CES5A: variants seen among roughly 807,000 people sequenced by gnomAD.
The protein encoded by CES5A is carboxylesterase 5.
A neutral mutation model predicts 62.9 loss-of-function variants in CES5A; 67 were observed. That is an observed-to-expected ratio of 1.07 (90% confidence interval 0.88 to 1.31). CES5A has a LOEUF of 1.31. CES5A is among the 50% of genes most tolerant of loss of function. The pLI, the probability that CES5A is intolerant of heterozygous loss-of-function variation, is 0.00. For synonymous variants in CES5A, 296 were observed against 280.8 expected, an observed-to-expected ratio of 1.05 and a Z score of -0.54; for missense variants, 748 against 708.5, an observed-to-expected ratio of 1.06 and a Z score of -0.63.
chr16:55,910,814 C>G (rs1208701298), intron 1 of CES5A, among the ~76,000 whole-genome samples: 2 of 148,714 alleles, frequency 1.3e-5, no homozygotes, highest in African/African-American at 4.8e-5. Flanking sequence ...TCTGGCCCAG[C>G]TGCCCATGGC....
chr16:55,857,393 T>G (rs1429745038), intron 8 of CES5A, among the ~76,000 whole-genome samples: 2 of 152,194 alleles, frequency 1.3e-5, no homozygotes, highest in African/African-American at 4.8e-5. Flanking sequence ...CTTTAAAATG[T>G]GAGGCAGCAG....
rs2033457574 is a variant in CES5A at position 55,866,205 on chromosome 16, G to T, written c.552-89C>A. 4 of 1,319,824 alleles carry T rather than the reference G, an allele frequency of 3.0e-6. No homozygotes were observed. The East Asian group carries it at 7.3e-5, about 24-fold the overall frequency. The allele number at this position is 1,319,824 out of a possible 1,614,324, so 81.8% of individuals were successfully genotyped here. ...AGTTCTCAGCAGAGGCTGTGGGCAG[G>T]GGTCAGTGGGGAGGGGGCGGAGAGT... is the stretch of plus-strand genomic sequence containing the variant. On this transcript the variant is annotated intron_variant, in intron 4 of 12. Coordinates refer to ENST00000290567, the MANE Select transcript of CES5A (RefSeq NM_001143685.2).
chr16:55,880,541 A>G (rs983974464), intron 1 of CES5A, among the ~76,000 whole-genome samples: 1 of 152,120 alleles, frequency 6.6e-6, no homozygotes, highest in Non-Finnish European at 1.5e-5. Context: ...TTTCAGGCAC[A>G]CAAACCAAGT....
At chr16:55,887,409 A>T (rs754187111) in intron 1 of CES5A, among the ~76,000 whole-genome samples, 1 of 151,518 alleles carries the variant, frequency 6.6e-6, no homozygotes, top group Non-Finnish European at 1.5e-5. Flanking sequence ...AAGTTACTAC[A>T]CTGATTATCA....
chr16:55,936,875 C>G (rs1217625089), intron 2 of CES5A, among the ~76,000 whole-genome samples: 2 of 152,056 alleles, frequency 1.3e-5, no homozygotes, highest in African/African-American at 2.4e-5. Flanking sequence ...ATCTCATATG[C>G]TTCATATATA....
intron 2 of CES5A, among the ~76,000 whole-genome samples, chr16:55,943,772 G>C (rs2034467468): frequency 1.3e-5 from 2 of 152,168 alleles, no homozygotes; most frequent in South Asian, 2.1e-4. Flanking sequence ...AGAGTACACA[G>C]AACAGAAAGA....
Position 55,846,484 on chromosome 16 carries a change from G to A in CES5A, c.1695C>T (p.Leu565=), listed in dbSNP as rs2033010820. The A allele has an allele frequency of 6.2e-7, 1 of 1,613,910 alleles. No individual in the cohort carries two copies. Among genetic ancestry groups the A allele is most frequent in the South Asian group, 1.1e-5 (1 of 91,072 alleles). Residue 565 remains leucine (L), a synonymous_variant, in exon 13 of 13, where the codon CTC becomes CTT. Coordinates refer to ENST00000290567, the MANE Select transcript of CES5A (RefSeq NM_001143685.2). ...CACAAAAGAAAAAGAAAGGCTGGAG[G>A]AGAGAGAGGAAAGTTAAGGAAGAAA... is the stretch of plus-strand genomic sequence containing the variant. ...SPLSSLTFLS[L]LQPFFFFCAP
chr16:55,899,633 C>T (rs2033969989), intron 1 of CES5A, among the ~76,000 whole-genome samples: 2 of 152,200 alleles, frequency 1.3e-5, no homozygotes, highest in Admixed American at 1.3e-4. Context: ...CTAAGTTTTA[C>T]TAGGTTAAAG....
At chr16:55,882,673 G>A (rs1388018773) in intron 1 of CES5A, among the ~76,000 whole-genome samples, 1 of 152,202 alleles carries the variant, frequency 6.6e-6, no homozygotes, top group Non-Finnish European at 1.5e-5. Flanking sequence ...CACATACCAA[G>A]GAGACTTTGC....
intron 1 of CES5A, among the ~76,000 whole-genome samples, chr16:55,919,489 G>A (rs997689595): frequency 6.6e-6 from 1 of 152,096 alleles, no homozygotes; most frequent in Non-Finnish European, 1.5e-5. Context: ...GCTTTCCTCA[G>A]GAAGTATGGA....
intron 10 of CES5A, among the ~76,000 whole-genome samples, chr16:55,852,175 A>G (rs144841536): frequency 2.5e-3 from 383 of 152,388 alleles, no homozygotes; most frequent in South Asian, 0.023. Flanking sequence ...ATTGAACTAT[A>G]CACTTAAAAT....
At chr16:55,867,412 G>T (rs1396109371) in intron 4 of CES5A, among the ~76,000 whole-genome samples, 1 of 152,170 alleles carries the variant, frequency 6.6e-6, no homozygotes, top group East Asian at 1.9e-4. Context: ...TAGAACCAAA[G>T]AAATGTCTAG....
chr16:55,871,643 A>G lies in CES5A; in HGVS notation c.399T>C (p.Asp133=), dbSNP rs375083402. The change falls in exon 3 of 13, where the codon GAT becomes GAC. Residue 133 remains aspartate (D), a synonymous_variant. Coordinates refer to ENST00000290567, the MANE Select transcript of CES5A (RefSeq NM_001143685.2). ...GCCTTACGGGGAGCTTGGAGCCTGTATCGGCGTGGGCAGGCGCATAGATGT... is the reference window on the plus strand; with the variant it reads ...GCCTTACGGGGAGCTTGGAGCCTGTGTCGGCGTGGGCAGGCGCATAGATGT... ...YLNIYAPAHA[D]TGSKLPVLVW... 4 of 1,613,990 alleles carry G rather than the reference A, an allele frequency of 2.5e-6. No individual in the cohort carries two copies. In the African/African-American group the frequency reaches 5.3e-5, roughly 22 times the overall value.
intron 9 of CES5A, 75 bp from the exon 10 acceptor site, chr16:55,853,103 G>A: frequency 1.4e-6 from 2 of 1,477,642 alleles, no homozygotes; most frequent in Non-Finnish European, 1.9e-6. Flanking sequence ...ACCTGTGCAG[G>A]TATGATTCTG....
chr16:55,860,640 T>A (rs1352359547), intron 7 of CES5A, among the ~76,000 whole-genome samples: 1 of 152,156 alleles, frequency 6.6e-6, no homozygotes, highest in African/African-American at 2.4e-5. Context: ...CTGGATATTT[T>A]TTGGGTCTCA....
At position 55,865,954 on chromosome 16, in the gene CES5A, A is replaced by G. The variant is rs2033448303; in HGVS notation, c.705+9T>C. The G allele has an allele frequency of 6.2e-7, 1 of 1,614,026 alleles. No homozygotes were observed. The highest frequency in any genetic ancestry group is 8.5e-7 in the Non-Finnish European group (1 of 1,180,012). ...GAGATTCATTCAAACCACAAAGCAG[A>G]GAACTCACAAGACTAGAAACACTTA... On this transcript the variant is annotated intron_variant, in intron 5 of 12. Transcript: ENST00000290567.
chr16:55,952,501 A>G (rs1567368437), intron 1 of CES5A, among the ~76,000 whole-genome samples: 1 of 152,160 alleles, frequency 6.6e-6, no homozygotes, highest in African/African-American at 2.4e-5. Context: ...GAAACTATCA[A>G]TAAATTAGAA....
At chr16:55,860,032 G>A (rs2033321122) in intron 7 of CES5A, among the ~76,000 whole-genome samples, 1 of 152,156 alleles carries the variant, frequency 6.6e-6, no homozygotes, top group African/African-American at 2.4e-5. Flanking sequence ...CACATGTTGT[G>A]GCAGGGACCT....
chr16:55,899,172 T>C (rs1157787673), intron 1 of CES5A, among the ~76,000 whole-genome samples: 6 of 152,080 alleles, frequency 3.9e-5, no homozygotes, highest in African/African-American at 7.2e-5. Flanking sequence ...GATGCTAACA[T>C]CTCAAAGGTC....
Sources: gnomAD v4.1 joint callset for allele counts (sites outside exome capture counted in the v4.1 genomes callset) on GRCh38, gnomAD v4.1.1 for gene constraint, MANE v1.5 for transcripts, NCBI Gene and HGNC (gene_info 2026-07-23, HGNC 2026-07-21) for gene names.